The following ARHGAP8 variants were observed in gnomAD, a reference collection of about 807,000 sequenced individuals.
ARHGAP8 encodes the protein Rho GTPase activating protein 8, also known as rho GTPase-activating protein 8.
ARHGAP8 carries 62 observed loss-of-function variants against 46.1 expected under a neutral mutation model. That is an observed-to-expected ratio of 1.34 (90% CI 1.10 to 1.66). The LOEUF (loss-of-function observed/expected upper bound fraction) is 1.66. Ranked by LOEUF, ARHGAP8 falls within the 40% of genes most tolerant of loss-of-function variation. The pLI is 0.00. For missense variants in ARHGAP8, 923 were observed against 568.4 expected (o/e 1.62, Z -6.34); for synonymous variants, 375 against 243.1 (o/e 1.54, Z -5.05).
At chr22:44,759,385 G>A (rs922438119) in intron 1 of ARHGAP8, among the ~76,000 whole-genome samples, 2 of 152,222 alleles carry the variant, frequency 1.3e-5, no homozygotes, top group African/African-American at 2.4e-5. Flanking sequence ...TCTGGGGTAG[G>A]CAGGGCACCT....
At chr22:44,811,495 G>A (rs1220746112) in intron 4 of ARHGAP8, among the ~76,000 whole-genome samples, 1 of 152,202 alleles carries the variant, frequency 6.6e-6, no homozygotes, top group Admixed American at 6.5e-5. Context: ...GGTGGCAGCC[G>A]TGGCCTTCAA....
chr22:44,860,197 G>A (rs2070402828), intron 11 of ARHGAP8, among the ~76,000 whole-genome samples: 1 of 144,730 alleles, frequency 6.9e-6, no homozygotes. Context: ...CCAGTGGACT[G>A]AGCTGACCAT....
chr22:44,776,902 G>A (rs1002271403), intron 1 of ARHGAP8, among the ~76,000 whole-genome samples: 2 of 152,066 alleles, frequency 1.3e-5, no homozygotes, highest in Non-Finnish European at 2.9e-5. Context: ...GGCCCACTGT[G>A]CCCTGCCTGC....
intron 2 of ARHGAP8, among the ~76,000 whole-genome samples, chr22:44,799,890 T>A (rs1199125316): frequency 6.6e-6 from 1 of 151,546 alleles, no homozygotes; most frequent in Non-Finnish European, 1.5e-5. Flanking sequence ...GTGTCCTGCA[T>A]GCAGGGGGTC....
intron 5 of ARHGAP8, among the ~76,000 whole-genome samples, chr22:44,816,683 T>C (rs1929765262): frequency 6.6e-6 from 1 of 151,756 alleles, no homozygotes; most frequent in Non-Finnish European, 1.5e-5. Flanking sequence ...CATGCGCCTG[T>C]GGTCCCAGCT....
chr22:44,849,038 C>T lies in ARHGAP8; in HGVS notation c.855C>T (p.Tyr285=), dbSNP rs774624971. The T allele has an allele frequency of 5.0e-6, 8 of 1,613,866 alleles. No individual in the cohort carries two copies. Among genetic ancestry groups the T allele is most frequent in the African/African-American group, 1.3e-5 (1 of 74,912 alleles). Residue 285 remains tyrosine, a synonymous_variant, in exon 10 of 12, where the codon TAC becomes TAT. Coordinates refer to ENST00000356099, the MANE Select transcript of ARHGAP8 (RefSeq NM_181335.3). ...AGCCGCTTCTGACCTTCCAGGCCTA[C>T]GAGCAGATTCTCGGGATCACCTGTG... ...LPQPLLTFQA[Y]EQILGITCVE...
chr22:44,842,973 G>A (rs966551923), intron 7 of ARHGAP8, among the ~76,000 whole-genome samples: 1 of 152,182 alleles, frequency 6.6e-6, no homozygotes, highest in African/African-American at 2.4e-5. Flanking sequence ...CATGGGCTAC[G>A]TTTTCATTTT....
intron 1 of ARHGAP8, among the ~76,000 whole-genome samples, chr22:44,768,380 G>A (rs1216860153): frequency 6.6e-6 from 1 of 151,848 alleles, no homozygotes; most frequent in Non-Finnish European, 1.5e-5. Context: ...CTCAGCTGCA[G>A]CCTCAACCTC....
At chr22:44,860,259 C>T (rs2070406369) in intron 11 of ARHGAP8, among the ~76,000 whole-genome samples, 2 of 152,124 alleles carry the variant, frequency 1.3e-5, no homozygotes, top group African/African-American at 4.8e-5. Flanking sequence ...CCTGTGACTG[C>T]ATCGTGGGTG....
chr22:44,768,261 C>T (rs1332757858), intron 1 of ARHGAP8, among the ~76,000 whole-genome samples: 2 of 152,008 alleles, frequency 1.3e-5, no homozygotes, highest in African/African-American at 4.8e-5. Context: ...TCCCAAAGTG[C>T]TGGGATTACA....
chr22:44,839,342 A>T (rs1931498313), intron 7 of ARHGAP8, among the ~76,000 whole-genome samples: 1 of 152,218 alleles, frequency 6.6e-6, no homozygotes, highest in African/African-American at 2.4e-5. Context: ...CTTCAGCAAA[A>T]GCAAAATTGC....
At chr22:44,755,042 C>T (rs894844343) in intron 1 of ARHGAP8, among the ~76,000 whole-genome samples, 3 of 152,192 alleles carry the variant, frequency 2.0e-5, no homozygotes, top group Admixed American at 1.3e-4. Flanking sequence ...TTCCCCACTG[C>T]GATGGTGGTC....
chr22:44,775,435 G>A (rs1227970734), intron 1 of ARHGAP8, among the ~76,000 whole-genome samples: 1 of 135,578 alleles, frequency 7.4e-6, no homozygotes, highest in Non-Finnish European at 1.6e-5. Context: ...ATAACCCTGA[G>A]GGGACATAAT....
At chr22:44,767,731 G>A (rs1925684797) in intron 1 of ARHGAP8, among the ~76,000 whole-genome samples, 1 of 151,392 alleles carries the variant, frequency 6.6e-6, no homozygotes, top group South Asian at 2.1e-4. Context: ...AAATTAGCCG[G>A]GCGCAGAGGT....
chr22:44,854,720 C>T (rs1269513497), intron 10 of ARHGAP8, among the ~76,000 whole-genome samples: 1 of 152,196 alleles, frequency 6.6e-6, no homozygotes, highest in Non-Finnish European at 1.5e-5. Flanking sequence ...CTCACTGCAA[C>T]CTCTGGCTCC....
chr22:44,810,209 G>A (rs1408253533), intron 4 of ARHGAP8, among the ~76,000 whole-genome samples: 1 of 151,540 alleles, frequency 6.6e-6, no homozygotes, highest in Non-Finnish European at 1.5e-5. Context: ...ATCCCTTGCA[G>A]GTGGGAAAGG....
intron 7 of ARHGAP8, among the ~76,000 whole-genome samples, chr22:44,827,964 A>G (rs1930655762): frequency 6.6e-6 from 1 of 152,166 alleles, no homozygotes; most frequent in African/African-American, 2.4e-5. Flanking sequence ...ACGGTCCAGT[A>G]TGGTAGCCAG....
chr22:44,849,227 C>A, intron 10 of ARHGAP8, 167 bp downstream of exon 10: 4 of 1,293,656 alleles, frequency 3.1e-6, no homozygotes, highest in South Asian at 1.4e-5. Context: ...GGGGCTGCCC[C>A]CACCATGCAC....
Position 44,848,020 on chromosome 22 carries a change from G to A in ARHGAP8, c.718G>A (p.Val240Ile), listed in dbSNP as rs200649519. 2.3e-4 allele frequency: 377 copies of A among 1,607,692 alleles called. No individual in the cohort carries two copies. Among genetic ancestry groups the A allele is most frequent in the Middle Eastern group, 3.3e-4 (2 of 6,084 alleles). Residue 240 changes from valine to isoleucine, a missense_variant, in exon 9 of 12, where the codon GTC becomes ATC. By Grantham distance (29) the Val-to-Ile change is conservative. Transcript: ENST00000356099. ...LFRRSASVQT[V>I]REIQRLYNQG... Reference sequence around the variant, plus strand: ...CCGGAGATCCGCCAGCGTGCAGACCGTCCGCGAGATCCAGAGGCTCTACAA... The same window carrying A: ...CCGGAGATCCGCCAGCGTGCAGACCATCCGCGAGATCCAGAGGCTCTACAA...
Sources: gnomAD v4.1 joint callset for allele counts (sites outside exome capture counted in the v4.1 genomes callset) on GRCh38, gnomAD v4.1.1 for gene constraint, MANE v1.5 for transcripts, NCBI Gene and HGNC (gene_info 2026-07-23, HGNC 2026-07-21) for gene names.